The following DPP10 variants were observed in gnomAD, a reference collection of about 807,000 sequenced individuals.
The protein encoded by DPP10 is dipeptidyl peptidase like 10, also known as inactive dipeptidyl peptidase 10.
A neutral mutation model predicts 120.9 loss-of-function variants in DPP10; 33 were observed. That is an observed-to-expected ratio of 0.27 (90% CI 0.21 to 0.37). The LOEUF (loss-of-function observed/expected upper bound fraction) is 0.37, where lower values mean the gene tolerates loss of function less well. DPP10 is among the 10% of genes least tolerant of loss of function. The pLI, the probability that DPP10 is intolerant of heterozygous loss-of-function variation, is 1.00. For missense variants in DPP10, 816 were observed against 942.8 expected, an observed-to-expected ratio of 0.87 and a Z score of 1.76; for synonymous variants, 337 against 326.1, an observed-to-expected ratio of 1.03 and a Z score of -0.36.
At position 115,139,003 on chromosome 2, in the gene DPP10, T is replaced by A. The variant is rs2050785112; in HGVS notation, c.61-170236T>A. 1.3e-5 allele frequency among the ~76,000 whole-genome samples: 2 copies of A among 152,304 alleles called. 1 individual carries two copies. The highest frequency in any genetic ancestry group is 4.1e-4 in the South Asian group (2 of 4,828). The stretch of plus-strand genomic sequence containing the variant: ...ATGTTGATGGTAAAAGAAAACAAAC[T>A]GCTACATGTGATGCATGCAGATTTA... On this transcript the variant is annotated intron_variant, in intron 1 of 25. Transcript: ENST00000410059.
intron 1 of DPP10, among the ~76,000 whole-genome samples, chr2:114,534,036 A>T (rs1307852190): frequency 6.6e-6 from 1 of 151,100 alleles, no homozygotes; most frequent in Non-Finnish European, 1.5e-5. Context: ...TGTTCTACAT[A>T]CTTTGTTCTA....
intron 1 of DPP10, among the ~76,000 whole-genome samples, chr2:115,166,124 T>C (rs2052819170): frequency 6.6e-6 from 1 of 152,156 alleles, no homozygotes; most frequent in Admixed American, 6.5e-5. Flanking sequence ...GTATTTTTAT[T>C]TTACCTTTGG....
chr2:115,488,859 AC>A (rs1227544741), intron 3 of DPP10, among the ~76,000 whole-genome samples: 1 of 92,578 alleles, frequency 1.1e-5, no homozygotes, highest in African/African-American at 3.4e-5. Context: ...GTGCACATGT[AC>A]CCTAAAACTT....
chr2:114,601,412 G>C (rs1428398104), intron 1 of DPP10, among the ~76,000 whole-genome samples: 3 of 151,858 alleles, frequency 2.0e-5, no homozygotes, highest in African/African-American at 7.2e-5. Context: ...AATGAGAATG[G>C]AGATAGAGTT....
At chr2:114,879,642 T>A (rs1385966531) in intron 1 of DPP10, among the ~76,000 whole-genome samples, 1 of 151,944 alleles carries the variant, frequency 6.6e-6, no homozygotes, top group African/African-American at 2.4e-5. Context: ...TAAGCCTTCA[T>A]CGTGGTGGGG....
intron 1 of DPP10, among the ~76,000 whole-genome samples, chr2:114,717,864 A>T (rs887670177): frequency 3.3e-4 from 51 of 152,360 alleles, no homozygotes; most frequent in African/African-American, 1.1e-3. Flanking sequence ...AAAGACTTTT[A>T]TAACTACTCT....
At chr2:115,528,981 T>C (rs1218934857) in intron 5 of DPP10, among the ~76,000 whole-genome samples, 1 of 152,096 alleles carries the variant, frequency 6.6e-6, no homozygotes, top group Non-Finnish European at 1.5e-5. Flanking sequence ...GACCTGGTTG[T>C]TTACTTGACC....
chr2:114,964,847 A>C (rs1253884435), intron 1 of DPP10, among the ~76,000 whole-genome samples: 4 of 152,242 alleles, frequency 2.6e-5, no homozygotes, highest in Admixed American at 6.5e-5. Flanking sequence ...CCGATGGTTA[A>C]AACTGGGCTC....
At chr2:114,882,230 G>T (rs534234551) in intron 1 of DPP10, among the ~76,000 whole-genome samples, 3 of 151,990 alleles carry the variant, frequency 2.0e-5, no homozygotes, top group African/African-American at 7.2e-5. Flanking sequence ...AGCACAATTA[G>T]CATTTGCAAA....
chr2:115,556,364 G>GTTTTTT (rs34615187), intron 5 of DPP10, among the ~76,000 whole-genome samples: 1 of 128,684 alleles, frequency 7.8e-6, no homozygotes, highest in Non-Finnish European at 1.6e-5. Flanking sequence ...TTTTTGGCAG[G>GTTTTTT]TTTTTTTTTT....
At chr2:114,732,242 T>C (rs111476340) in intron 1 of DPP10, among the ~76,000 whole-genome samples, 14 of 152,320 alleles carry the variant, frequency 9.2e-5, no homozygotes, top group African/African-American at 3.1e-4. Flanking sequence ...GAAGTTTACA[T>C]TGCAGTTAAG....
At chr2:115,771,849 AAAT>A (rs1681512255) in intron 13 of DPP10, among the ~76,000 whole-genome samples, 1 of 152,172 alleles carries the variant, frequency 6.6e-6, no homozygotes, top group Non-Finnish European at 1.5e-5. Flanking sequence ...TTACTAAATG[AAAT>A]TACTAAATTT....
chr2:115,078,714 T>C (rs1707994193), intron 1 of DPP10, among the ~76,000 whole-genome samples: 1 of 152,174 alleles, frequency 6.6e-6, no homozygotes, highest in South Asian at 2.1e-4. Context: ...CAACACGGGA[T>C]TGGTCACCTG....
At chr2:115,212,594 A>G (rs911370307) in intron 1 of DPP10, among the ~76,000 whole-genome samples, 2 of 151,884 alleles carry the variant, frequency 1.3e-5, no homozygotes, top group Non-Finnish European at 2.9e-5. Flanking sequence ...ATGGAATGAG[A>G]TTACAGAACC....
At chr2:114,528,065 G>A (rs1490438235) in intron 1 of DPP10, among the ~76,000 whole-genome samples, 2 of 152,040 alleles carry the variant, frequency 1.3e-5, no homozygotes, top group South Asian at 2.1e-4. Context: ...ATTAAATCAG[G>A]AACTTACTTG....
intron 5 of DPP10, among the ~76,000 whole-genome samples, chr2:115,582,612 C>T (rs980759385): frequency 1.3e-5 from 2 of 152,130 alleles, no homozygotes; most frequent in South Asian, 2.1e-4. Flanking sequence ...TATTCAGTTC[C>T]GTAAAATAAT....
At chr2:115,001,459 C>A (rs887175466) in intron 1 of DPP10, among the ~76,000 whole-genome samples, 3 of 152,088 alleles carry the variant, frequency 2.0e-5, no homozygotes, top group Non-Finnish European at 4.4e-5. Flanking sequence ...TGGGCAAAAG[C>A]TGGAAGCATT....
At chr2:114,607,266 G>A (rs967546485) in intron 1 of DPP10, among the ~76,000 whole-genome samples, 1 of 152,138 alleles carries the variant, frequency 6.6e-6, no homozygotes, top group East Asian at 1.9e-4. Context: ...GAAAGATAAA[G>A]TGTGATCTAA....
intron 5 of DPP10, among the ~76,000 whole-genome samples, chr2:115,550,416 T>G (rs2079802716): frequency 6.6e-6 from 1 of 152,140 alleles, no homozygotes; most frequent in Admixed American, 6.6e-5. Flanking sequence ...ATGACAGCTA[T>G]AATGAAATAT....
Sources: allele counts gnomAD v4.1 joint callset (sites outside exome capture counted in the v4.1 genomes callset), GRCh38; gene constraint gnomAD v4.1.1; transcripts MANE v1.5; gene names NCBI Gene and HGNC (gene_info 2026-07-23, HGNC 2026-07-21).